Variants in RNF216 observed in about 807,000 individuals in gnomAD.
RNF216 encodes E3 ubiquitin-protein ligase RNF216.
A neutral mutation model predicts 110.8 loss-of-function variants in RNF216; 72 were observed. That is an observed-to-expected ratio of 0.65 (90% CI 0.54 to 0.79). The LOEUF (loss-of-function observed/expected upper bound fraction) is 0.79, where lower values mean the gene tolerates loss of function less well. Ranked by LOEUF, RNF216 falls within the 30% of genes least tolerant of loss-of-function variation. The pLI, the probability that RNF216 is intolerant of heterozygous loss-of-function variation, is 0.00. For missense variants in RNF216, 1,342 were observed against 1,141.2 expected, an observed-to-expected ratio of 1.18 and a Z score of -2.54; for synonymous variants, 495 against 407.5, an observed-to-expected ratio of 1.21 and a Z score of -2.59.
intron 15 of RNF216, among the ~76,000 whole-genome samples, chr7:5,628,545 C>T (rs778109278): frequency 6.6e-6 from 1 of 152,120 alleles, no homozygotes. Flanking sequence ...TTCTTTGAGA[C>T]AGTGTCTTGC....
chr7:5,709,390 C>T (rs562298204), intron 13 of RNF216, among the ~76,000 whole-genome samples: 1 of 152,180 alleles, frequency 6.6e-6, no homozygotes. Flanking sequence ...GCCTTTGATG[C>T]AACTGGTTTC....
intron 3 of RNF216, among the ~76,000 whole-genome samples, chr7:5,751,866 T>A (rs1795347395): frequency 1.4e-5 from 2 of 145,860 alleles, no homozygotes; most frequent in Non-Finnish European, 3.0e-5. Flanking sequence ...AGCAACAGAT[T>A]TGTAGTTTAA....
At chr7:5,760,929 T>C (rs1795899040) in intron 2 of RNF216, 74 bp downstream of exon 2, 4 of 1,192,208 alleles carry the variant, frequency 3.4e-6, no homozygotes, top group Non-Finnish European at 3.6e-6. Flanking sequence ...AATAGGTTCA[T>C]TTCAAAAGAT....
intron 2 of RNF216, among the ~76,000 whole-genome samples, chr7:5,757,318 G>T (rs1369220796): frequency 3.3e-5 from 5 of 152,122 alleles, no homozygotes; most frequent in Non-Finnish European, 7.3e-5. Flanking sequence ...TCTTCTCAGT[G>T]CACTGAATCT....
rs187065149 is a variant in RNF216 at position 5,778,562 on chromosome 7, C to T, written c.-70+2979G>A. Among the ~76,000 whole-genome samples the T allele has an allele frequency of 2.6e-5, 4 of 152,296 alleles. No individual in the cohort carries two copies. In the East Asian group the frequency reaches 7.7e-4, roughly 29 times the overall value. On this transcript the variant is annotated intron_variant, in intron 1 of 16. Coordinates refer to ENST00000389902, the MANE Select transcript of RNF216 (RefSeq NM_207111.4). ...TTGATCCCAAAGCCCCAGGACATAGCATATCGGATGGCACAGTAGATGATC... is the reference window on the plus strand; with the variant it reads ...TTGATCCCAAAGCCCCAGGACATAGTATATCGGATGGCACAGTAGATGATC...
intron 1 of RNF216, among the ~76,000 whole-genome samples, chr7:5,766,240 T>G (rs1796202321): frequency 6.6e-6 from 1 of 151,384 alleles, no homozygotes; most frequent in Non-Finnish European, 1.5e-5. Flanking sequence ...CAGTGAGCCA[T>G]GAGTGTGCCA....
intron 3 of RNF216, 71 bp from the exon 4 acceptor site, chr7:5,741,886 A>G (rs954380570): frequency 6.7e-7 from 1 of 1,487,116 alleles, no homozygotes; most frequent in Non-Finnish European, 9.0e-7. Context: ...ACTTATATTG[A>G]GCTTCCGAGA....
At chr7:5,735,849 C>G (rs1467248414) in intron 5 of RNF216, among the ~76,000 whole-genome samples, 2 of 152,166 alleles carry the variant, frequency 1.3e-5, no homozygotes, top group Non-Finnish European at 2.9e-5. Flanking sequence ...AATCCCAGCA[C>G]TTTGGGAGGC....
At chr7:5,760,439 C>T in intron 2 of RNF216, 1 of 385,450 alleles carries the variant, frequency 2.6e-6, no homozygotes, top group East Asian at 8.3e-5. Context: ...TCATTTGAAC[C>T]CAGGAGGCGG....
intron 13 of RNF216, among the ~76,000 whole-genome samples, chr7:5,694,195 T>C (rs1330358883): frequency 6.6e-6 from 1 of 152,216 alleles, no homozygotes; most frequent in African/African-American, 2.4e-5. Context: ...AAACTTTCCA[T>C]TTTAGGACGG....
intron 8 of RNF216, among the ~76,000 whole-genome samples, chr7:5,721,400 T>A (rs572591162): frequency 1.7e-4 from 26 of 152,334 alleles, no homozygotes; most frequent in African/African-American, 5.5e-4. Context: ...ATGCTCCAAT[T>A]GGAAGGCATC....
intron 13 of RNF216, among the ~76,000 whole-genome samples, chr7:5,665,864 T>C (rs1436810182): frequency 2.6e-5 from 4 of 151,740 alleles, no homozygotes; most frequent in Non-Finnish European, 5.9e-5. Flanking sequence ...TGGACATTTA[T>C]ATAAAAATTC....
intron 13 of RNF216, among the ~76,000 whole-genome samples, chr7:5,694,112 G>C (rs989194305): frequency 6.6e-6 from 1 of 152,178 alleles, no homozygotes; most frequent in Non-Finnish European, 1.5e-5. Flanking sequence ...CTCTTTGATA[G>C]ATCAAGATAG....
At chr7:5,778,892 C>G (rs910715711) in intron 1 of RNF216, among the ~76,000 whole-genome samples, 1 of 152,164 alleles carries the variant, frequency 6.6e-6, no homozygotes. Flanking sequence ...TACAGGCGCA[C>G]GCCATCACAC....
At position 5,725,376 on chromosome 7, in the gene RNF216, C is replaced by T. The variant is rs776396037; in HGVS notation, c.1452G>A (p.Lys484=). ...ELSPETSGKR[K]KRKQMNQYSY... ...AATACTGGTTCATTTGTTTTCTCTT[C>T]TTCCTTTTTCCACTGGTTTCTGGTG... The change falls in exon 8 of 17, where the codon AAG becomes AAA. Residue 484 remains lysine (K), a synonymous_variant. Coordinates refer to ENST00000389902, the MANE Select transcript of RNF216 (RefSeq NM_207111.4). 5 of 1,613,916 alleles carry T rather than the reference C, an allele frequency of 3.1e-6. No individual in the cohort carries two copies. Among genetic ancestry groups the T allele is most frequent in the East Asian group, 2.2e-5 (1 of 44,872 alleles).
At chr7:5,731,211 A>T (rs1286125150) in intron 5 of RNF216, among the ~76,000 whole-genome samples, 2 of 152,260 alleles carry the variant, frequency 1.3e-5, no homozygotes, top group Non-Finnish European at 2.9e-5. Flanking sequence ...GTGTGTTCAC[A>T]TTTACAGTAA....
intron 13 of RNF216, among the ~76,000 whole-genome samples, chr7:5,671,596 A>G (rs1789914201): frequency 6.6e-6 from 1 of 152,164 alleles, no homozygotes. Context: ...AGAGGTCAGC[A>G]GTTCGAGACC....
At chr7:5,708,534 T>G (rs746828427) in intron 13 of RNF216, among the ~76,000 whole-genome samples, 17 of 152,230 alleles carry the variant, frequency 1.1e-4, no homozygotes, top group Admixed American at 1.0e-3. Context: ...ATTCTCTTTT[T>G]CACTTTCAGT....
chr7:5,670,530 C>CT (rs1372714371), intron 13 of RNF216, among the ~76,000 whole-genome samples: 2 of 152,104 alleles, frequency 1.3e-5, no homozygotes, highest in African/African-American at 4.8e-5. Context: ...TGAAACAAAC[C>CT]TTAGGAGATT....
Sources: allele counts gnomAD v4.1 joint callset (sites outside exome capture counted in the v4.1 genomes callset), GRCh38; gene constraint gnomAD v4.1.1; transcripts MANE v1.5; gene names NCBI Gene and HGNC (gene_info 2026-07-23, HGNC 2026-07-21).